The following WDR90 variants were observed in gnomAD, a reference collection of about 807,000 sequenced individuals.
WDR90 encodes WD repeat-containing protein 90.
Under a neutral mutation model 195.2 loss-of-function variants are expected in WDR90, and 238 were observed. The observed-to-expected ratio is 1.22, with a 90% CI of 1.10 to 1.36. The LOEUF is 1.36. Among genes scored for constraint, WDR90 ranks in the 40% most tolerant of loss-of-function variants. The probability of loss-of-function intolerance (pLI) is 0.00; values close to 1 mark genes in which losing one functional copy is unlikely to be tolerated. For synonymous variants in WDR90, 1,265 were observed against 1,052.4 expected (o/e 1.20, Z -3.91); for missense variants, 2,734 against 2,439.5 (o/e 1.12, Z -2.54).
At position 650,162 on chromosome 16, in the gene WDR90, T is replaced by C. The variant is rs776374845; in HGVS notation, c.274T>C (p.Ser92Pro). The stretch of plus-strand genomic sequence containing the variant: ...CTTCGTCATCCACCTCGATGTGTCC[T>C]CCAAGGTACGGAGCCCGCGGCTGGG... ...KHFVIHLDVS[S>P]KDNQVIRVSF... Residue 92 changes from serine to proline, a missense_variant, in exon 3 of 41, where the codon TCC becomes CCC. Transcript: ENST00000293879. 1.2e-6 allele frequency: 2 copies of C among 1,612,760 alleles called. No individual in the cohort carries two copies. Among genetic ancestry groups the C allele is most frequent in the Non-Finnish European group, 8.5e-7 (1 of 1,179,770 alleles).
At chr16:661,568 C>T in intron 30 of WDR90, 29 bp from the exon 31 acceptor site, 3 of 1,579,618 alleles carry the variant, frequency 1.9e-6, no homozygotes, top group Non-Finnish European at 2.6e-6. Context: ...ATCTGTGCAC[C>T]TGACGTGGCT....
intron 34 of WDR90, chr16:665,313 A>T: frequency 2.1e-6 from 1 of 474,538 alleles, no homozygotes; most frequent in Non-Finnish European, 3.7e-6. Context: ...CCTGTCTTTC[A>T]GCCTCAGTCT....
At chr16:654,946 C>G in intron 13 of WDR90, 83 bp from the exon 14 acceptor site, 1 of 1,401,100 alleles carries the variant, frequency 7.1e-7, no homozygotes, top group Non-Finnish European at 1.0e-6. Context: ...AAGCCACCTC[C>G]GGGTGGGGCT....
Position 666,243 on chromosome 16 carries a change from A to G in WDR90, c.4633A>G (p.Lys1545Glu). The change falls in exon 37 of 41, where the codon AAG becomes GAG. Residue 1545 changes from lysine (K) to glutamate (E), a missense_variant. Transcript: ENST00000293879. ...AGGTCAGACTGTCCTCTCTGGAGACAAGGATGGGCTCGTGGCTGTGAGCCA... is the reference window on the plus strand; with the variant it reads ...AGGTCAGACTGTCCTCTCTGGAGACGAGGATGGGCTCGTGGCTGTGAGCCA... ...TDGQTVLSGD[K>E]DGLVAVSHPC... 1 of 1,612,686 alleles carries G rather than the reference A, an allele frequency of 6.2e-7. No individual in the cohort carries two copies. Among genetic ancestry groups the G allele is most frequent in the Non-Finnish European group, 8.5e-7 (1 of 1,179,928 alleles).
intron 17 of WDR90, 106 bp from the exon 18 acceptor site, chr16:656,196 T>C: frequency 1.8e-6 from 2 of 1,097,464 alleles, no homozygotes; most frequent in Non-Finnish European, 2.6e-6. Flanking sequence ...GCCTGGGACT[T>C]TGAGCAGCAG....
rs767063851 is a variant in WDR90, at chr16:659,022, ACT to A, written c.3011+15_3011+16del. 3 of 1,612,708 alleles carry A rather than the reference ACT, an allele frequency of 1.9e-6. No homozygotes were observed. The highest frequency in any genetic ancestry group is 2.2e-5 in the East Asian group (1 of 44,832). On this transcript the variant is annotated intron_variant, in intron 24 of 40. Coordinates refer to ENST00000293879, the MANE Select transcript of WDR90 (RefSeq NM_145294.5). The stretch of plus-strand genomic sequence containing the variant: ...GGCCCCTACTGAGAGGCAAGTGCCT[ACT>A]CTCAGCTGTGTCTGCCTAGGCCCCC...
rs1440019434 is a variant in WDR90, at chr16:650,543, G to C, written c.393G>C (p.Leu131=). ...VLEARTPQRD[L]VGLAPSGARW... is the part of the protein sequence containing the mutation. ...CCCTGAGTGCCCATCCTGCAGATCT[G>C]GTGGGTTTGGCCCCCTCCGGAGCCC... Residue 131 remains leucine, a synonymous_variant, in exon 5 of 41, where the codon CTG becomes CTC. Transcript: ENST00000293879. The C allele has an allele frequency of 6.2e-7, 1 of 1,604,544 alleles. No homozygotes were observed.
chr16:656,493 C>T lies in WDR90; in HGVS notation c.2158C>T (p.Gln720Ter), dbSNP rs2037757276. ...GCGGGGACAGCTGGCCACCGTGTCC[C>T]AGGACCGTACCGTCCGCATCTGGGA... ...QRRGQLATVS[Q>*]DRTVRIWDLA... Residue 720 changes from glutamine to a stop codon, truncating the protein, a stop_gained, in exon 18 of 41, where the codon CAG becomes TAG. Transcript: ENST00000293879. LOFTEE classifies it high-confidence loss of function. 1 of 1,581,304 alleles carries T rather than the reference C, an allele frequency of 6.3e-7. No individual in the cohort carries two copies. Among genetic ancestry groups the T allele is most frequent in the African/African-American group, 1.3e-5 (1 of 74,318 alleles).
Position 667,543 on chromosome 16 carries a change from C to G in WDR90, c.5201C>G (p.Thr1734Arg), listed in dbSNP as rs559153246. The G allele has an allele frequency of 6.2e-7, 1 of 1,611,660 alleles. No individual in the cohort carries two copies. The highest frequency in any genetic ancestry group is 8.5e-7 in the Non-Finnish European group (1 of 1,179,946). Residue 1734 changes from threonine (T) to arginine (R), a missense_variant, in exon 41 of 41, where the codon ACG becomes AGG. Physicochemically the swap from Thr to Arg is moderately conservative, Grantham distance 71. Transcript: ENST00000293879. ...ACACCGTCCGCCAGGCTGCTCTTCA[C>G]GGCCGCCCGCAACGAGATCCTTGTG... ...RFTPSARLLF[T>R]AARNEILVWE...
intron 13 of WDR90, chr16:654,022 G>A (rs1025892173): frequency 3.6e-5 from 22 of 611,608 alleles, no homozygotes; most frequent in African/African-American, 3.7e-5. Context: ...TCGGCTTTTC[G>A]GCCATCGGAG....
In WDR90 at chr16:662,055, C is replaced by T. The variant is rs1025913900; in HGVS notation, c.4029C>T (p.Gly1343=). 1.2e-6 allele frequency: 2 copies of T among 1,600,892 alleles called. No homozygotes were observed. The highest frequency in any genetic ancestry group is 1.7e-4 in the Middle Eastern group (1 of 6,044). ...CFLSWEADDG[G]IGLLLFSGSR... is the part of the protein sequence containing the mutation. ...TGTCCTGGGAGGCGGATGACGGTGG[C>T]ATTGGTGAGTGCCCCGCAGAAGCCC... The change falls in exon 32 of 41, where the codon GGC becomes GGT. Residue 1343 remains glycine, a synonymous_variant. Transcript: ENST00000293879.
intron 28 of WDR90, 158 bp downstream of exon 28, chr16:660,872 T>C (rs1166059380): frequency 2.2e-6 from 2 of 909,166 alleles, no homozygotes; most frequent in African/African-American, 4.2e-5. Context: ...CCAGCCGAGG[T>C]CCTGTGAAGC....
chr16:652,387 T>C (rs1263652565), intron 9 of WDR90, 80 bp from the exon 10 acceptor site: 2 of 1,486,666 alleles, frequency 1.3e-6, no homozygotes, highest in East Asian at 4.6e-5. Context: ...CAGCTAGGGG[T>C]TGGCGGGGCT....
At chr16:658,804 C>T (rs527971655) in intron 23 of WDR90, 92 bp from the exon 24 acceptor site, 27 of 1,569,346 alleles carry the variant, frequency 1.7e-5, no homozygotes, top group Non-Finnish European at 2.2e-5. Flanking sequence ...CGGGGCCTCA[C>T]ACTGTGTGGG....
Position 661,887 on chromosome 16 carries a change from C to T in WDR90, c.3865-4C>T. The T allele has an allele frequency of 1.2e-6, 2 of 1,605,680 alleles. No individual in the cohort carries two copies. Among genetic ancestry groups the T allele is most frequent in the Non-Finnish European group, 8.5e-7 (1 of 1,175,284 alleles). The stretch of plus-strand genomic sequence containing the variant: ...GACCCATGGCCACTCTCATACTTTG[C>T]CAGGTGCGTCGAGAGCCAGTCCCAG... On this transcript the variant is annotated splice_region_variant and splice_polypyrimidine_tract_variant and intron_variant, in intron 31 of 40. Coordinates refer to ENST00000293879, the MANE Select transcript of WDR90 (RefSeq NM_145294.5).
In WDR90 at chr16:658,946, C is replaced by A. The variant is rs2037825476; in HGVS notation, c.2946C>A (p.Asp982Glu). Residue 982 changes from aspartate to glutamate, a missense_variant, in exon 24 of 41, where the codon GAC becomes GAA. By Grantham distance (45) the Asp-to-Glu change is conservative (BLOSUM62 2). Transcript: ENST00000293879. Reference sequence around the variant, plus strand: ...TGCAGGCTGTGGCCTTCTCTCCTGACCAGCAGCAGGTCCTCAGCGCAGGGG... The same window carrying A: ...TGCAGGCTGTGGCCTTCTCTCCTGAACAGCAGCAGGTCCTCAGCGCAGGGG... The part of the protein sequence containing the change: ...EPVQAVAFSP[D>E]QQQVLSAGDA... 4 of 1,612,898 alleles carry A rather than the reference C, an allele frequency of 2.5e-6. No homozygotes were observed. Among genetic ancestry groups the A allele is most frequent in the South Asian group, 1.1e-5 (1 of 91,088 alleles).
chr16:657,081 T>C lies in WDR90; in HGVS notation c.2343-10T>C, dbSNP rs758299033. ...GGCTAGGGCCAGCGGGGTCCCTGTGTGTGCTGCAGGTGCCACCGAGGAGCT... is the reference window on the plus strand; with the variant it reads ...GGCTAGGGCCAGCGGGGTCCCTGTGCGTGCTGCAGGTGCCACCGAGGAGCT... On this transcript the variant is annotated splice_polypyrimidine_tract_variant and intron_variant, in intron 19 of 40. Coordinates refer to ENST00000293879, the MANE Select transcript of WDR90 (RefSeq NM_145294.5). The C allele has an allele frequency of 2.5e-6, 4 of 1,597,608 alleles. No homozygotes were observed. In the Admixed American group the frequency reaches 6.8e-5, roughly 27 times the overall value.
chr16:667,497 G>A lies in WDR90; in HGVS notation c.5155G>A (p.Ala1719Thr), dbSNP rs201583261. The part of the protein sequence containing the change: ...TAQDFAGHDN[A>T]VHLCRFTPSA... ...CCAAGACTTTGCCGGCCACGACAAC[G>A]CAGTGCACCTGTGCAGGTTTACACC... is the stretch of plus-strand genomic sequence containing the variant. The change falls in exon 41 of 41, where the codon GCA becomes ACA. Residue 1719 changes from alanine to threonine, a missense_variant. Coordinates refer to ENST00000293879, the MANE Select transcript of WDR90 (RefSeq NM_145294.5). The A allele has an allele frequency of 1.9e-5, 30 of 1,611,888 alleles. No homozygotes were observed. Among genetic ancestry groups the A allele is most frequent in the Admixed American group, 1.2e-4 (7 of 59,996 alleles).
Position 658,891 on chromosome 16 carries a change from C to T in WDR90, c.2896-5C>T, listed in dbSNP as rs1213707467. 3 of 1,611,488 alleles carry T rather than the reference C, an allele frequency of 1.9e-6. No individual in the cohort carries two copies. Among genetic ancestry groups the T allele is most frequent in the Non-Finnish European group, 2.5e-6 (3 of 1,179,942 alleles). On this transcript the variant is annotated splice_polypyrimidine_tract_variant and splice_region_variant and intron_variant, in intron 23 of 40. Coordinates refer to ENST00000293879, the MANE Select transcript of WDR90 (RefSeq NM_145294.5). ...GGGTCCTGCATGTGACGCCGCTACC[C>T]CTAGGTGTACATCGGCCACTCGGAA... is the stretch of plus-strand genomic sequence containing the variant.
Sources: gnomAD v4.1 joint callset for allele counts on GRCh38, gnomAD v4.1.1 for gene constraint, MANE v1.5 for transcripts, NCBI Gene and HGNC (gene_info 2026-07-23, HGNC 2026-07-21) for gene names.